ZBTB7C: variants seen among roughly 807,000 people sequenced by gnomAD.
The protein encoded by ZBTB7C is zinc finger and BTB domain containing 7C, also known as zinc finger and BTB domain-containing protein 7C.
A neutral mutation model predicts 25.7 loss-of-function variants in ZBTB7C; 8 were observed. The ratio of observed to expected loss-of-function variants is 0.31; its 90% CI spans 0.18 to 0.56. ZBTB7C has a LOEUF of 0.56. Ranked by LOEUF, ZBTB7C falls within the 20% of genes least tolerant of loss-of-function variation. The pLI is 0.91. For missense variants in ZBTB7C, 824 were observed against 855.2 expected (o/e 0.96, Z 0.46); for synonymous variants, 394 against 369.0 (o/e 1.07, Z -0.78).
intron 2 of ZBTB7C, among the ~76,000 whole-genome samples, chr18:48,298,746 T>A (rs1374978004): frequency 6.6e-6 from 1 of 152,192 alleles, no homozygotes; most frequent in African/African-American, 2.4e-5. Flanking sequence ...GGTAGGCCAG[T>A]GTCTGGCCCT....
At chr18:48,278,528 T>C (rs905235888) in intron 2 of ZBTB7C, among the ~76,000 whole-genome samples, 2 of 152,036 alleles carry the variant, frequency 1.3e-5, no homozygotes, top group South Asian at 2.1e-4. Context: ...CTCCGCCTCC[T>C]GGGTTCAAAT....
Position 48,149,187 on chromosome 18 carries a change from C to T in ZBTB7C, c.-17+36747G>A, listed in dbSNP as rs544309120. ...GTGCGAGTGTGTGCATGTGTGTGTG[C>T]GCACGTGTGTGTGCACGCGTGTGTG... On this transcript the variant is annotated intron_variant, in intron 3 of 4. Coordinates refer to ENST00000590800, the MANE Select transcript of ZBTB7C (RefSeq NM_001318841.2). 6.5e-3 allele frequency: 916 copies of T among 139,970 alleles called. 31 individuals carry two copies. Among genetic ancestry groups the T allele is most frequent in the Admixed American group, 0.055 (784 of 14,280 alleles). The allele number at this position is 139,970 out of a possible 1,614,324, so 8.7% of individuals were successfully genotyped here. A position where few individuals can be genotyped will look rare whatever the true frequency, so the allele number is the denominator to read the frequency against.
intron 3 of ZBTB7C, among the ~76,000 whole-genome samples, chr18:48,115,655 A>C (rs1482913054): frequency 6.6e-6 from 1 of 152,190 alleles, no homozygotes; most frequent in Non-Finnish European, 1.5e-5. Flanking sequence ...TATCGGGAAT[A>C]ATGCTGCGAT....
chr18:48,134,684 C>T (rs975614041), intron 3 of ZBTB7C, among the ~76,000 whole-genome samples: 3 of 152,240 alleles, frequency 2.0e-5, no homozygotes, highest in African/African-American at 7.2e-5. Flanking sequence ...TGGGCAGATG[C>T]ATCAGCAGGG....
chr18:48,306,776 C>T (rs1287727616), intron 2 of ZBTB7C, among the ~76,000 whole-genome samples: 1 of 152,166 alleles, frequency 6.6e-6, no homozygotes, highest in African/African-American at 2.4e-5. Context: ...CTACCTTTTA[C>T]GTGGTGCTGA....
intron 2 of ZBTB7C, among the ~76,000 whole-genome samples, chr18:48,328,054 T>C (rs867359317): frequency 4.9e-4 from 74 of 151,482 alleles, no homozygotes; most frequent in South Asian, 3.3e-3. Context: ...TGGTGGCGGG[T>C]GCCTGTAGTC....
chr18:48,280,872 G>C (rs1262584002), intron 2 of ZBTB7C, among the ~76,000 whole-genome samples: 1 of 38,392 alleles, frequency 2.6e-5, no homozygotes, highest in Non-Finnish European at 5.0e-5. Context: ...TTTTTTTTTT[G>C]AGACAGAGTC....
chr18:48,291,279 G>T (rs998867915), intron 2 of ZBTB7C, among the ~76,000 whole-genome samples: 51 of 151,970 alleles, frequency 3.4e-4, no homozygotes, highest in African/African-American at 1.2e-3. Flanking sequence ...ACAAACTCAG[G>T]GAGGGTGGTG....
intron 1 of ZBTB7C, among the ~76,000 whole-genome samples, chr18:48,357,502 G>GCGT (rs1490839004): frequency 6.6e-6 from 1 of 152,232 alleles, no homozygotes; most frequent in Non-Finnish European, 1.5e-5. Flanking sequence ...TCAGCGCTCA[G>GCGT]CGTCGTTTAG....
At chr18:48,369,937 A>T (rs1050625588) in intron 1 of ZBTB7C, among the ~76,000 whole-genome samples, 1 of 152,214 alleles carries the variant, frequency 6.6e-6, no homozygotes, top group Non-Finnish European at 1.5e-5. Flanking sequence ...CAACAGCAGA[A>T]TATGCATTAT....
intron 1 of ZBTB7C, among the ~76,000 whole-genome samples, chr18:48,360,979 T>G (rs987031458): frequency 6.6e-6 from 1 of 152,112 alleles, no homozygotes; most frequent in East Asian, 1.9e-4. Context: ...GGGGGTATGA[T>G]GAGTGTGTTT....
chr18:48,226,674 T>G (rs1355189819), intron 2 of ZBTB7C, among the ~76,000 whole-genome samples: 1 of 152,206 alleles, frequency 6.6e-6, no homozygotes, highest in East Asian at 1.9e-4. Flanking sequence ...ACTGACAGCA[T>G]GACTCTCTGG....
intron 2 of ZBTB7C, among the ~76,000 whole-genome samples, chr18:48,330,715 C>T (rs984085790): frequency 1.3e-5 from 2 of 150,312 alleles, no homozygotes; most frequent in Non-Finnish European, 3.0e-5. Flanking sequence ...GATGAGTAAT[C>T]CCAGCCTTGC....
chr18:48,157,738 C>A (rs528645719), intron 3 of ZBTB7C, among the ~76,000 whole-genome samples: 2 of 152,292 alleles, frequency 1.3e-5, no homozygotes, highest in South Asian at 2.1e-4. Flanking sequence ...GAGTGGATTA[C>A]CTGAGCTAAT....
chr18:48,251,153 G>A (rs1043892672), intron 2 of ZBTB7C, among the ~76,000 whole-genome samples: 2 of 152,172 alleles, frequency 1.3e-5, no homozygotes, highest in Non-Finnish European at 2.9e-5. Context: ...GAGCTGAGGA[G>A]GTTGTGGCTG....
chr18:48,322,843 T>C (rs887663603), intron 2 of ZBTB7C, among the ~76,000 whole-genome samples: 5 of 152,186 alleles, frequency 3.3e-5, no homozygotes, highest in Non-Finnish European at 7.3e-5. Context: ...GGTATATATA[T>C]ATATGACGGA....
chr18:48,345,498 G>T (rs2046707047), intron 1 of ZBTB7C, among the ~76,000 whole-genome samples: 1 of 152,088 alleles, frequency 6.6e-6, no homozygotes, highest in Admixed American at 6.5e-5. Context: ...CAACCCCCAA[G>T]GTGCCCTGCG....
chr18:48,304,184 G>A (rs2045611730), intron 2 of ZBTB7C, among the ~76,000 whole-genome samples: 1 of 152,214 alleles, frequency 6.6e-6, no homozygotes, highest in Non-Finnish European at 1.5e-5. Context: ...CCAGCTGCCT[G>A]CTTCTAATGT....
chr18:48,289,820 C>T (rs114097359), intron 2 of ZBTB7C, among the ~76,000 whole-genome samples: 4,801 of 152,076 alleles, frequency 0.032, 260 homozygotes, highest in African/African-American at 0.11. Flanking sequence ...CATGGTGTAA[C>T]GGTTAGCACT....
Sources: allele counts gnomAD v4.1 joint callset (sites outside exome capture counted in the v4.1 genomes callset), GRCh38; gene constraint gnomAD v4.1.1; transcripts MANE v1.5; gene names NCBI Gene and HGNC (gene_info 2026-07-23, HGNC 2026-07-21).